The following GRIK4 variants were observed in gnomAD, a reference collection of about 807,000 sequenced individuals.
GRIK4 encodes glutamate receptor ionotropic, kainate 4.
Under a neutral mutation model 104.9 loss-of-function variants are expected in GRIK4, and 40 were observed. That is an observed-to-expected ratio of 0.38 (90% CI 0.30 to 0.50). The LOEUF is 0.50. Among genes scored for constraint, GRIK4 ranks in the 20% least tolerant of loss-of-function variants. The pLI, the probability that GRIK4 is intolerant of heterozygous loss-of-function variation, is 0.93. For synonymous variants in GRIK4, 485 were observed against 524.9 expected (o/e 0.92, Z 1.04); for missense variants, 1,047 against 1,308.1 (o/e 0.80, Z 3.08).
At chr11:120,590,617 T>A (rs1280724048) in intron 1 of GRIK4, among the ~76,000 whole-genome samples, 1 of 152,194 alleles carries the variant, frequency 6.6e-6, no homozygotes, top group Non-Finnish European at 1.5e-5. Context: ...TAAATATGCT[T>A]TGCTCATTCC....
At chr11:120,809,085 C>T (rs955975192) in intron 4 of GRIK4, among the ~76,000 whole-genome samples, 1 of 152,184 alleles carries the variant, frequency 6.6e-6, no homozygotes, top group African/African-American at 2.4e-5. Context: ...CTCACCCTCC[C>T]CTCCCTGAAC....
At chr11:120,839,177 A>G (rs1361831273) in intron 8 of GRIK4, among the ~76,000 whole-genome samples, 1 of 152,188 alleles carries the variant, frequency 6.6e-6, no homozygotes, top group East Asian at 1.9e-4. Context: ...TCCCCAATAC[A>G]GATGCCAGCT....
chr11:120,528,024 C>T lies in GRIK4; in HGVS notation c.-159+16137C>T, dbSNP rs190598701. Reference sequence around the variant, plus strand: ...AGGGTCTCACTCTATTGCCCAGTGACGGGATTTGGGCTCACTGCAGCCTCG... The same window carrying T: ...AGGGTCTCACTCTATTGCCCAGTGATGGGATTTGGGCTCACTGCAGCCTCG... On this transcript the variant is annotated intron_variant, in intron 1 of 20. Coordinates refer to ENST00000527524, the MANE Select transcript of GRIK4 (RefSeq NM_014619.5). Among the ~76,000 whole-genome samples, 34 of 152,310 alleles carry T rather than the reference C, an allele frequency of 2.2e-4. 1 individual carries two copies. The highest frequency in any genetic ancestry group is 3.7e-4 in the Non-Finnish European group (25 of 68,022).
chr11:120,850,693 G>T (rs1391667434), intron 8 of GRIK4, among the ~76,000 whole-genome samples: 1 of 152,196 alleles, frequency 6.6e-6, no homozygotes, highest in Non-Finnish European at 1.5e-5. Flanking sequence ...AGGGAGGCTG[G>T]TGGCCCTGAG....
At chr11:120,688,347 A>G (rs767482353) in intron 3 of GRIK4, among the ~76,000 whole-genome samples, 57 of 152,334 alleles carry the variant, frequency 3.7e-4, no homozygotes, top group Middle Eastern at 3.4e-3. Flanking sequence ...GATGCTTACT[A>G]TTAACACATA....
chr11:120,982,809 T>A (rs1306028083), intron 20 of GRIK4, among the ~76,000 whole-genome samples: 2 of 152,188 alleles, frequency 1.3e-5, no homozygotes, highest in Admixed American at 1.3e-4. Flanking sequence ...CCTAAAAACC[T>A]TTCCTAATTG....
chr11:120,732,677 T>A (rs1372437490), intron 3 of GRIK4, among the ~76,000 whole-genome samples: 2 of 152,224 alleles, frequency 1.3e-5, no homozygotes, highest in Non-Finnish European at 2.9e-5. Flanking sequence ...ATTTGTAGTT[T>A]TATTCCATTG....
intron 11 of GRIK4, among the ~76,000 whole-genome samples, chr11:120,893,022 G>A (rs1317868048): frequency 1.3e-5 from 2 of 152,206 alleles, no homozygotes; most frequent in African/African-American, 4.8e-5. Flanking sequence ...AGAACTGCAG[G>A]CAGTGGCCCT....
At chr11:120,647,584 C>T (rs887943797) in intron 1 of GRIK4, among the ~76,000 whole-genome samples, 1 of 152,256 alleles carries the variant, frequency 6.6e-6, no homozygotes, top group Non-Finnish European at 1.5e-5. Flanking sequence ...TCGAACAGCC[C>T]TTGCTTGCTT....
chr11:120,932,773 A>G (rs1943508768), intron 13 of GRIK4, among the ~76,000 whole-genome samples: 2 of 152,234 alleles, frequency 1.3e-5, no homozygotes, highest in Non-Finnish European at 2.9e-5. Context: ...GCAGCAGGTG[A>G]AACAGGAGAT....
At chr11:120,906,789 C>T (rs1452724902) in intron 13 of GRIK4, among the ~76,000 whole-genome samples, 1 of 152,154 alleles carries the variant, frequency 6.6e-6, no homozygotes, top group East Asian at 1.9e-4. Flanking sequence ...GGAACATGGA[C>T]GGCATCTGCA....
intron 3 of GRIK4, among the ~76,000 whole-genome samples, chr11:120,727,937 T>C (rs1399086113): frequency 1.3e-5 from 2 of 152,154 alleles, no homozygotes; most frequent in East Asian, 1.9e-4. Context: ...ATATTGAAGA[T>C]AGGCAATGAA....
At chr11:120,700,264 C>CTTTT (rs34617192) in intron 3 of GRIK4, among the ~76,000 whole-genome samples, 2 of 118,246 alleles carry the variant, frequency 1.7e-5, no homozygotes, top group South Asian at 2.5e-4. Flanking sequence ...TATATTACTA[C>CTTTT]TTTTTTTTTT....
At chr11:120,735,691 G>GAAAAA (rs56007111) in intron 3 of GRIK4, among the ~76,000 whole-genome samples, 1 of 150,942 alleles carries the variant, frequency 6.6e-6, no homozygotes, top group Non-Finnish European at 1.5e-5. Flanking sequence ...GGATTGGAGT[G>GAAAAA]AAAAAAAAAG....
chr11:120,711,001 G>GC (rs146255023), intron 3 of GRIK4, among the ~76,000 whole-genome samples: 1 of 149,850 alleles, frequency 6.7e-6, no homozygotes, highest in African/African-American at 2.5e-5. Context: ...GTGAGGTGGG[G>GC]AGGGGGTGTG....
intron 3 of GRIK4, among the ~76,000 whole-genome samples, chr11:120,785,242 C>T (rs577418330): frequency 2.6e-5 from 4 of 152,334 alleles, no homozygotes; most frequent in South Asian, 4.1e-4. Context: ...CTGCCACAGT[C>T]GTGCATCTGG....
chr11:120,646,307 A>G (rs1357144871), intron 1 of GRIK4, among the ~76,000 whole-genome samples: 1 of 152,242 alleles, frequency 6.6e-6, no homozygotes, highest in Non-Finnish European at 1.5e-5. Flanking sequence ...CACTTTGTGA[A>G]TGGGGAAACT....
chr11:120,708,277 G>A (rs750125433), intron 3 of GRIK4, among the ~76,000 whole-genome samples: 6 of 152,064 alleles, frequency 3.9e-5, no homozygotes, highest in Admixed American at 6.6e-5. Context: ...TAACTGTAGC[G>A]CCTGATGTGT....
chr11:120,856,587 C>T (rs1026130314), intron 8 of GRIK4, among the ~76,000 whole-genome samples: 1 of 152,130 alleles, frequency 6.6e-6, no homozygotes, highest in South Asian at 2.1e-4. Flanking sequence ...GAGGCTGTCT[C>T]TGAAGTTTCT....
Sources: allele counts gnomAD v4.1 joint callset (sites outside exome capture counted in the v4.1 genomes callset), GRCh38; gene constraint gnomAD v4.1.1; transcripts MANE v1.5; gene names NCBI Gene and HGNC (gene_info 2026-07-23, HGNC 2026-07-21).